PALM2AKAP2: variants seen among roughly 807,000 people sequenced by gnomAD.
PALM2AKAP2 encodes the protein PALM2-AKAP2 fusion protein.
PALM2AKAP2 carries 37 observed loss-of-function variants against 71.5 expected under a neutral mutation model. That is an observed-to-expected ratio of 0.52 (90% CI 0.40 to 0.68). PALM2AKAP2 has a LOEUF of 0.68. PALM2AKAP2 is among the 30% of genes least tolerant of loss of function. PALM2AKAP2 has a pLI of 0.00. For missense variants in PALM2AKAP2, 1,224 were observed against 1,191.8 expected (o/e 1.03, Z -0.40); for synonymous variants, 468 against 478.8 (o/e 0.98, Z 0.29).
chr9:109,998,503 C>T (rs1019018763), intron 6 of PALM2AKAP2, among the ~76,000 whole-genome samples: 1 of 151,974 alleles, frequency 6.6e-6, no homozygotes, highest in Non-Finnish European at 1.5e-5. Context: ...CACTCAATAG[C>T]CGTGGAGGGC....
intron 1 of PALM2AKAP2, among the ~76,000 whole-genome samples, chr9:110,084,280 T>C (rs1411373700): frequency 6.6e-6 from 1 of 152,232 alleles, no homozygotes; most frequent in Non-Finnish European, 1.5e-5. Context: ...AGTAATGTTA[T>C]GTTATTATAA....
intron 6 of PALM2AKAP2, among the ~76,000 whole-genome samples, chr9:110,011,014 A>ATATATATATATAT (rs1554737803): frequency 1.9e-4 from 13 of 69,576 alleles, no homozygotes; most frequent in African/African-American, 4.7e-4. Flanking sequence ...AAAAAAAAAA[A>ATATATATATATAT]ATATATATAT....
chr9:109,971,034 C>T (rs1359122230), intron 6 of PALM2AKAP2, among the ~76,000 whole-genome samples: 1 of 151,944 alleles, frequency 6.6e-6, no homozygotes, highest in East Asian at 1.9e-4. Flanking sequence ...TTGCTCAAGC[C>T]CAGGAGGCCG....
At chr9:109,817,944 G>T (rs1019352968) in intron 1 of PALM2AKAP2, among the ~76,000 whole-genome samples, 1 of 152,212 alleles carries the variant, frequency 6.6e-6, no homozygotes, top group Non-Finnish European at 1.5e-5. Context: ...AGGTAAAGAA[G>T]TCGTTAAGTG....
At position 109,812,570 on chromosome 9, in the gene PALM2AKAP2, G is replaced by A. The variant is rs377670191; in HGVS notation, c.45+32037G>A. Among the ~76,000 whole-genome samples the A allele has an allele frequency of 1.8e-4, 28 of 152,310 alleles. 1 individual carries two copies. The East Asian group carries it at 4.2e-3, about 23-fold the overall frequency. On this transcript the variant is annotated intron_variant, in intron 1 of 9. Transcript: ENST00000302798. Reference sequence around the variant, plus strand: ...ACATCTGCTCTCTTCCCACAGTGCAGATGGAAGGCCTAAATGCCAGCACAC... The same window carrying A: ...ACATCTGCTCTCTTCCCACAGTGCAAATGGAAGGCCTAAATGCCAGCACAC...
At chr9:110,031,499 A>T (rs1588067899) in intron 7 of PALM2AKAP2, among the ~76,000 whole-genome samples, 1 of 152,214 alleles carries the variant, frequency 6.6e-6, no homozygotes, top group Non-Finnish European at 1.5e-5. Flanking sequence ...ATGAATAATG[A>T]GATAATAGCT....
chr9:109,724,055 G>C (rs781271810), intron 1 of PALM2AKAP2, among the ~76,000 whole-genome samples: 1 of 152,094 alleles, frequency 6.6e-6, no homozygotes, highest in Non-Finnish European at 1.5e-5. Context: ...ACAAATGAAA[G>C]TATATAAAGG....
intron 1 of PALM2AKAP2, 21 bp from the exon 2 acceptor site, chr9:109,867,470 C>G: frequency 1.9e-6 from 3 of 1,609,486 alleles, no homozygotes; most frequent in Non-Finnish European, 2.5e-6. Flanking sequence ...CTCTTACAGC[C>G]TCTGTCTCTT....
At chr9:109,750,602 A>T (rs7021053) in intron 1 of PALM2AKAP2, among the ~76,000 whole-genome samples, 1 of 58,106 alleles carries the variant, frequency 1.7e-5, no homozygotes, top group Non-Finnish European at 3.4e-5. Context: ...GTGTGTGTGT[A>T]TGTGTGTGTG....
At chr9:110,084,580 G>A (rs941658350) in intron 1 of PALM2AKAP2, among the ~76,000 whole-genome samples, 1 of 152,096 alleles carries the variant, frequency 6.6e-6, no homozygotes, top group Non-Finnish European at 1.5e-5. Flanking sequence ...TGTAGTATTT[G>A]TGTATAACCT....
At chr9:109,861,247 C>A (rs1213309755) in intron 1 of PALM2AKAP2, among the ~76,000 whole-genome samples, 1 of 152,208 alleles carries the variant, frequency 6.6e-6, no homozygotes, top group African/African-American at 2.4e-5. Context: ...CACAGCCTGG[C>A]ATCTCCTAGT....
chr9:109,844,596 A>T (rs549799327), intron 1 of PALM2AKAP2, among the ~76,000 whole-genome samples: 1 of 152,326 alleles, frequency 6.6e-6, no homozygotes, highest in African/African-American at 2.4e-5. Context: ...GTTTTTGTAA[A>T]TGTACAATGA....
At chr9:110,098,933 TC>T (rs1027051970) in intron 1 of PALM2AKAP2, among the ~76,000 whole-genome samples, 8 of 152,186 alleles carry the variant, frequency 5.3e-5, no homozygotes, top group African/African-American at 1.2e-4. Flanking sequence ...CCTTCCTCTT[TC>T]CCCCAGCTCT....
chr9:109,829,665 C>A (rs143621019), intron 1 of PALM2AKAP2, among the ~76,000 whole-genome samples: 180 of 151,500 alleles, frequency 1.2e-3, no homozygotes, highest in African/African-American at 4.2e-3. Context: ...TCTTCTTTAT[C>A]AGGGCTACAC....
At chr9:110,165,166 T>G (rs16914834) in intron 3 of PALM2AKAP2, among the ~76,000 whole-genome samples, 8,256 of 152,138 alleles carry the variant, frequency 0.054, 602 homozygotes, top group African/African-American at 0.17. Flanking sequence ...GAGTATGACA[T>G]TATTAGAGCC....
intron 3 of PALM2AKAP2, among the ~76,000 whole-genome samples, chr9:109,894,785 A>G (rs1259530188): frequency 6.6e-6 from 1 of 151,828 alleles, no homozygotes; most frequent in South Asian, 2.1e-4. Context: ...TTTTTTTCCT[A>G]TAGTTTTTTT....
At chr9:110,053,527 C>CAAGAAAA (rs1833756913) in intron 1 of PALM2AKAP2, among the ~76,000 whole-genome samples, 1 of 82,876 alleles carries the variant, frequency 1.2e-5, no homozygotes, top group South Asian at 5.2e-4. Flanking sequence ...AACTCTGTCT[C>CAAGAAAA]AAAAAAAAAA....
At chr9:109,755,022 C>T (rs1358130865) in intron 1 of PALM2AKAP2, among the ~76,000 whole-genome samples, 1 of 151,980 alleles carries the variant, frequency 6.6e-6, no homozygotes, top group Non-Finnish European at 1.5e-5. Flanking sequence ...ACTCTCCTGC[C>T]AACACCAAGG....
chr9:109,644,537 C>T (rs1188666783), intron 1 of PALM2AKAP2, among the ~76,000 whole-genome samples: 1 of 152,192 alleles, frequency 6.6e-6, no homozygotes, highest in Non-Finnish European at 1.5e-5. Flanking sequence ...GATGTTAAAT[C>T]AGTAAATATG....
Sources: allele counts gnomAD v4.1 joint callset (sites outside exome capture counted in the v4.1 genomes callset), GRCh38; gene constraint gnomAD v4.1.1; transcripts MANE v1.5; gene names NCBI Gene and HGNC (gene_info 2026-07-23, HGNC 2026-07-21).